VPS36: variants seen among roughly 807,000 people sequenced by gnomAD.
VPS36 encodes vacuolar protein-sorting-associated protein 36.
In VPS36, 31 loss-of-function variants were observed where a neutral mutation model predicts 63.5. The ratio of observed to expected loss-of-function variants is 0.49; its 90% CI spans 0.37 to 0.66. VPS36 has a LOEUF of 0.66. Among genes scored for constraint, VPS36 ranks in the 30% least tolerant of loss-of-function variants. VPS36 has a pLI of 0.00. For synonymous variants in VPS36, 138 were observed against 157.2 expected, an observed-to-expected ratio of 0.88 and a Z score of 0.91; for missense variants, 338 against 463.7, an observed-to-expected ratio of 0.73 and a Z score of 2.49.
chr13:52,417,945 C>A (rs776696074), intron 11 of VPS36, 47 bp downstream of exon 11: 2 of 1,551,770 alleles, frequency 1.3e-6, no homozygotes, highest in Non-Finnish European at 1.8e-6. Context: ...CTACCCCATG[C>A]AGAATCATGG....
intron 1 of VPS36, chr13:52,449,944 C>G (rs1958384051): frequency 1.0e-6 from 1 of 985,572 alleles, no homozygotes; most frequent in Non-Finnish European, 1.2e-6. Flanking sequence ...TTTAGGAAAT[C>G]CTTTCGAAGC....
chr13:52,420,570 C>A (rs371571294), intron 10 of VPS36, among the ~76,000 whole-genome samples: 2 of 151,820 alleles, frequency 1.3e-5, no homozygotes, highest in African/African-American at 2.4e-5. Flanking sequence ...TGACTTCAGG[C>A]GATCTGCCTG....
chr13:52,432,078 C>T (rs938631569), intron 6 of VPS36, among the ~76,000 whole-genome samples: 1 of 152,200 alleles, frequency 6.6e-6, no homozygotes, highest in African/African-American at 2.4e-5. Context: ...GTTGGCTGGG[C>T]GCGGTGGCAC....
Position 52,418,027 on chromosome 13 carries a change from C to A in VPS36, c.870G>T (p.Ala290=). ...ATTTCAGTGCTTCCAGCATCTTGCACGCATTCACTAAATCTTCTGGTGAGA... is the reference window on the plus strand; with the variant it reads ...ATTTCAGTGCTTCCAGCATCTTGCAAGCATTCACTAAATCTTCTGGTGAGA... ...ELLSPEDLVN[A]CKMLEALKLP... Residue 290 remains alanine (A), a synonymous_variant, in exon 11 of 14, where the codon GCG becomes GCT. Transcript: ENST00000378060. 2 of 1,611,984 alleles carry A rather than the reference C, an allele frequency of 1.2e-6. No individual in the cohort carries two copies. Among genetic ancestry groups the A allele is most frequent in the Non-Finnish European group, 1.7e-6 (2 of 1,179,164 alleles).
intron 10 of VPS36, among the ~76,000 whole-genome samples, chr13:52,419,692 T>A (rs1958026769): frequency 6.6e-6 from 1 of 152,216 alleles, no homozygotes; most frequent in African/African-American, 2.4e-5. Flanking sequence ...AAATCTGCAC[T>A]CCCATGGTTA....
intron 9 of VPS36, among the ~76,000 whole-genome samples, 154 bp from the exon 10 acceptor site, chr13:52,423,793 A>T (rs144483952): frequency 1.8e-4 from 28 of 152,342 alleles, no homozygotes; most frequent in Middle Eastern, 3.4e-3. Flanking sequence ...GAACCTATTC[A>T]GATACCACAA....
In VPS36 at chr13:52,412,945, C is replaced by T. The variant is rs543587310; in HGVS notation, c.*2885G>A. 3.3e-5 allele frequency: 5 copies of T among 152,720 alleles called. No individual in the cohort carries two copies. In the South Asian group the frequency reaches 1.0e-3, roughly 32 times the overall value. The allele number at this position is 152,720 out of a possible 1,614,324, so 9.5% of individuals were successfully genotyped here. ...TTGATATGCAGTTTGTATTTTTGTA[C>T]TTAATATAAGCATAATATATTCATA... On this transcript the variant is annotated 3_prime_UTR_variant, in exon 14 of 14. Transcript: ENST00000378060.
At chr13:52,416,934 G>T (rs931181244) in intron 12 of VPS36, 123 bp downstream of exon 12, 13 of 742,368 alleles carry the variant, frequency 1.8e-5, no homozygotes, top group Non-Finnish European at 2.6e-5. Flanking sequence ...ATTTTTATTT[G>T]GGTGTGTGAA....
chr13:52,450,352 A>G, intron 1 of VPS36, 147 bp downstream of exon 1: 2 of 1,220,740 alleles, frequency 1.6e-6, no homozygotes, highest in Non-Finnish European at 2.0e-6. Context: ...AGAGCGCTGC[A>G]CCCCGCACAG....
intron 9 of VPS36, among the ~76,000 whole-genome samples, chr13:52,424,675 G>C (rs928099323): frequency 6.6e-6 from 1 of 152,106 alleles, no homozygotes; most frequent in Non-Finnish European, 1.5e-5. Context: ...GATTGAAACA[G>C]ACCAACTGTA....
At position 52,450,572 on chromosome 13, in the gene VPS36, C is replaced by T. The variant is rs773815112; in HGVS notation, c.23G>A (p.Ser8Asn). 3 of 1,590,670 alleles carry T rather than the reference C, an allele frequency of 1.9e-6. No homozygotes were observed. The highest frequency in any genetic ancestry group is 3.5e-5 in the Admixed American group (2 of 57,644). ...GGTCTCGTTGATCTCCAGGAGGCCG[C>T]TGGTCCAAACGAAGCGGTCCATGGC... is the stretch of plus-strand genomic sequence containing the variant. The part of the protein sequence containing the change: MDRFVWT[S>N]GLLEINETLV... Residue 8 changes from serine (S) to asparagine (N), a missense_variant, in exon 1 of 14, where the codon AGC (serine) becomes AAC (asparagine). Ser to Asn is a conservative substitution (Grantham distance 46, BLOSUM62 1). Transcript: ENST00000378060.
At chr13:52,436,800 G>A (rs1958223705) in intron 3 of VPS36, among the ~76,000 whole-genome samples, 1 of 152,146 alleles carries the variant, frequency 6.6e-6, no homozygotes, top group Non-Finnish European at 1.5e-5. Flanking sequence ...AACAAAATGT[G>A]AAAACTTATC....
chr13:52,418,319 G>GT (rs1782309974), intron 10 of VPS36, among the ~76,000 whole-genome samples: 1 of 151,952 alleles, frequency 6.6e-6, no homozygotes, highest in Non-Finnish European at 1.5e-5. Flanking sequence ...GCTCACACCT[G>GT]TAATCCTAGC....
intron 11 of VPS36, among the ~76,000 whole-genome samples, chr13:52,417,602 T>C (rs1190485177): frequency 6.6e-6 from 1 of 152,136 alleles, no homozygotes; most frequent in Non-Finnish European, 1.5e-5. Context: ...TCAGGTGATC[T>C]GCCCGCCTCA....
At chr13:52,442,313 C>T in intron 2 of VPS36, 64 bp downstream of exon 2, 1 of 1,458,078 alleles carries the variant, frequency 6.9e-7, no homozygotes, top group South Asian at 1.3e-5. Context: ...ACAGCGAGAC[C>T]CTGTCTCTAA....
intron 10 of VPS36, among the ~76,000 whole-genome samples, chr13:52,421,961 A>T (rs1958051337): frequency 6.6e-6 from 1 of 152,190 alleles, no homozygotes; most frequent in Non-Finnish European, 1.5e-5. Flanking sequence ...TGTATTTATC[A>T]TGTCTATGTT....
intron 10 of VPS36, among the ~76,000 whole-genome samples, chr13:52,421,654 T>C (rs992883460): frequency 4.6e-5 from 7 of 151,684 alleles, no homozygotes; most frequent in African/African-American, 1.5e-4. Flanking sequence ...CCTGAGTAGC[T>C]GGGATTACAG....
chr13:52,438,012 A>C (rs940214931), intron 3 of VPS36, among the ~76,000 whole-genome samples: 3 of 152,204 alleles, frequency 2.0e-5, no homozygotes, highest in African/African-American at 7.2e-5. Flanking sequence ...ATCAATGCAA[A>C]TATAACTGTT....
chr13:52,440,943 C>T (rs922381823), intron 2 of VPS36, among the ~76,000 whole-genome samples: 6 of 152,146 alleles, frequency 3.9e-5, no homozygotes, highest in African/African-American at 1.4e-4. Context: ...GCATTAGACT[C>T]TCAAAGGGAG....
Sources: gnomAD v4.1 joint callset for allele counts (sites outside exome capture counted in the v4.1 genomes callset) on GRCh38, gnomAD v4.1.1 for gene constraint, MANE v1.5 for transcripts, NCBI Gene and HGNC (gene_info 2026-07-23, HGNC 2026-07-21) for gene names.